Variants in PNKD observed in about 807,000 individuals in gnomAD.
PNKD encodes the protein PNKD metallo-beta-lactamase domain containing.
In PNKD, 36 loss-of-function variants were observed where a neutral mutation model predicts 45.3. That is an observed-to-expected ratio of 0.80 (90% CI 0.61 to 1.05). The LOEUF is 1.05. Ranked by LOEUF, PNKD falls within the 50% of genes least tolerant of loss-of-function variation. The pLI is 0.00. For synonymous variants in PNKD, 197 were observed against 210.1 expected (o/e 0.94, Z 0.54); for missense variants, 511 against 506.6 (o/e 1.01, Z -0.08).
intron 2 of PNKD, among the ~76,000 whole-genome samples, chr2:218,304,438 C>T (rs1693358105): frequency 6.6e-6 from 1 of 152,184 alleles, no homozygotes; most frequent in South Asian, 2.1e-4. Context: ...GCCACCGCAC[C>T]CAACCTGTCT....
At chr2:218,334,741 G>A (rs1468480693) in intron 2 of PNKD, 1 of 702,874 alleles carries the variant, frequency 1.4e-6, no homozygotes, top group East Asian at 2.7e-5. Context: ...GGCAAATGAT[G>A]TCTATATATT....
In PNKD at chr2:218,343,580, T is replaced by A. The variant is rs1694743520; in HGVS notation, c.862T>A (p.Trp288Arg). Residue 288 changes from tryptophan (W) to arginine (R), a missense_variant, in exon 8 of 10, where the codon TGG (tryptophan) becomes AGG (arginine). Physicochemically the swap from Trp to Arg is moderately radical, Grantham distance 101. Coordinates refer to ENST00000273077, the MANE Select transcript of PNKD (RefSeq NM_015488.5). ...VLGLGDDTLL[W>R]PGHEYAEENL... ...GGGGCTAGGGGATGACACCCTTCTG[T>A]GGCCTGGTGAGACACCCCCTTACTA... is the stretch of plus-strand genomic sequence containing the variant. 1 of 1,611,858 alleles carries A rather than the reference T, an allele frequency of 6.2e-7. No individual in the cohort carries two copies.
chr2:218,278,904 G>A (rs1691553212), intron 2 of PNKD: 6 of 994,378 alleles, frequency 6.0e-6, no homozygotes. Context: ...ACACCCTCTG[G>A]CACGGGAAAC....
Position 218,271,374 on chromosome 2 carries a change from T to C in PNKD, c.68-7T>C, listed in dbSNP as rs1317927434. On this transcript the variant is annotated splice_polypyrimidine_tract_variant and splice_region_variant and intron_variant, in intron 1 of 9. Transcript: ENST00000273077. ...TTCTTACTGACCTTCCTTACCTCCA[T>C]CCACAGGGATTCTCGCAGGAGCCAC... The C allele has an allele frequency of 6.2e-7, 1 of 1,609,782 alleles. No individual in the cohort carries two copies. The highest frequency in any genetic ancestry group is 8.5e-7 in the Non-Finnish European group (1 of 1,177,664).
chr2:218,339,869 A>G lies in PNKD; in HGVS notation c.323A>G (p.His108Arg), dbSNP rs142536637. 3.3e-4 allele frequency: 525 copies of G among 1,603,898 alleles called. No homozygotes were observed. The highest frequency in any genetic ancestry group is 4.2e-4 in the Non-Finnish European group (491 of 1,175,306). ...RRARNRYPKG[H>R]SKTQPRLFNG... ...GCTCGGAATCGCTACCCTAAAGGCC[A>G]CTCGAAAACCCAGCCCCGCCTCTTC... Residue 108 changes from histidine (H) to arginine (R), a missense_variant, in exon 3 of 10, where the codon CAC becomes CGC. Coordinates refer to ENST00000273077, the MANE Select transcript of PNKD (RefSeq NM_015488.5).
At chr2:218,341,905 T>C in intron 6 of PNKD, 76 bp from the exon 7 acceptor site, 1 of 1,237,590 alleles carries the variant, frequency 8.1e-7, no homozygotes, top group Non-Finnish European at 1.2e-6. Flanking sequence ...ACCCAGCCCC[T>C]TGGGCCTGGG....
intron 2 of PNKD, among the ~76,000 whole-genome samples, chr2:218,303,295 A>T (rs1436479517): frequency 6.6e-6 from 1 of 152,014 alleles, no homozygotes; most frequent in Non-Finnish European, 1.5e-5. Flanking sequence ...CAGAGGAGGG[A>T]GTCCATTCAG....
chr2:218,346,420 G>A lies in PNKD; in HGVS notation c.*1439G>A, dbSNP rs560971500. Reference sequence around the variant, plus strand: ...CTAGTTAGAGTTCCCCACTCACCAAGCAAGACATGCAGTTTCATGCCTCTG... The same window carrying A: ...CTAGTTAGAGTTCCCCACTCACCAAACAAGACATGCAGTTTCATGCCTCTG... On this transcript the variant is annotated 3_prime_UTR_variant, in exon 10 of 10. Coordinates refer to ENST00000273077, the MANE Select transcript of PNKD (RefSeq NM_015488.5). 1 of 153,786 alleles carries A rather than the reference G, an allele frequency of 6.5e-6. No individual in the cohort carries two copies. The highest frequency in any genetic ancestry group is 2.4e-5 in the African/African-American group (1 of 41,534). The allele number at this position is 153,786 out of a possible 1,614,324, so 9.5% of individuals were successfully genotyped here.
chr2:218,343,167 C>G (rs1694731169), intron 7 of PNKD, among the ~76,000 whole-genome samples: 1 of 152,180 alleles, frequency 6.6e-6, no homozygotes, highest in Non-Finnish European at 1.5e-5. Context: ...GCATGAAATC[C>G]CAAAGGGCAG....
chr2:218,272,531 G>C, intron 2 of PNKD: 1 of 1,609,630 alleles, frequency 6.2e-7, no homozygotes, highest in Non-Finnish European at 8.5e-7. Context: ...CTCAGGCTTG[G>C]CCCCTCCCCA....
intron 1 of PNKD, chr2:218,271,012 T>C (rs139262326): frequency 8.9e-5 from 40 of 451,678 alleles, no homozygotes; most frequent in Non-Finnish European, 1.5e-4. Context: ...TGGAGTAGAC[T>C]ATCTTTAAGG....
chr2:218,317,526 A>G (rs938333970), intron 2 of PNKD, among the ~76,000 whole-genome samples: 2 of 152,222 alleles, frequency 1.3e-5, no homozygotes, highest in African/African-American at 2.4e-5. Context: ...AGGAAGAGCA[A>G]TGGCCTTGGC....
intron 2 of PNKD, chr2:218,334,877 A>C: frequency 1.6e-6 from 1 of 644,220 alleles, no homozygotes. Context: ...CCTCTTTCTC[A>C]TCATACTTGG....
chr2:218,276,119 A>G, intron 2 of PNKD: 2 of 1,601,974 alleles, frequency 1.2e-6, no homozygotes, highest in Non-Finnish European at 1.7e-6. Flanking sequence ...TAGAAACCTC[A>G]GCAAACCACA....
intron 2 of PNKD, among the ~76,000 whole-genome samples, chr2:218,279,833 G>C (rs1241493422): frequency 7.5e-6 from 1 of 132,826 alleles, no homozygotes; most frequent in African/African-American, 2.6e-5. Context: ...GTCAAGAAGA[G>C]AGGTGCAAAA....
chr2:218,287,615 C>G (rs1464161545), intron 2 of PNKD, among the ~76,000 whole-genome samples: 2 of 152,158 alleles, frequency 1.3e-5, no homozygotes, highest in East Asian at 3.8e-4. Context: ...GAGGCTGAGG[C>G]AGGGGGATCG....
At chr2:218,282,241 T>C in intron 2 of PNKD, 1 of 1,007,676 alleles carries the variant, frequency 9.9e-7, no homozygotes, top group Non-Finnish European at 1.4e-6. Flanking sequence ...CTCAGCCTCA[T>C]GGGCCCACTT....
chr2:218,277,053 A>G, intron 2 of PNKD: 3 of 1,614,190 alleles, frequency 1.9e-6, no homozygotes, highest in Non-Finnish European at 2.5e-6. Context: ...CACCAGGAGC[A>G]CAATTCCCAG....
chr2:218,297,038 G>A (rs748077725), intron 2 of PNKD, among the ~76,000 whole-genome samples: 8 of 152,238 alleles, frequency 5.3e-5, no homozygotes, highest in Non-Finnish European at 1.2e-4. Flanking sequence ...AGCCTGAGGT[G>A]AAAGTGCCTG....
Sources: gnomAD v4.1 joint callset for allele counts (sites outside exome capture counted in the v4.1 genomes callset) on GRCh38, gnomAD v4.1.1 for gene constraint, MANE v1.5 for transcripts, NCBI Gene and HGNC (gene_info 2026-07-23, HGNC 2026-07-21) for gene names.